Variants in AUTS2 observed in about 807,000 individuals in gnomAD.
The protein encoded by AUTS2 is autism susceptibility gene 2 protein.
Under a neutral mutation model 112.4 loss-of-function variants are expected in AUTS2, and 17 were observed. The ratio of observed to expected loss-of-function variants is 0.15; its 90% CI spans 0.10 to 0.23. The LOEUF is 0.23. Ranked by LOEUF, AUTS2 falls within the 10% of genes least tolerant of loss-of-function variation. The pLI is 1.00. For missense variants in AUTS2, 1,510 were observed against 1,701.6 expected (o/e 0.89, Z 1.98); for synonymous variants, 751 against 702.7 (o/e 1.07, Z -1.09).
At chr7:70,621,838 CTTTTTT>C (rs67123941) in intron 5 of AUTS2, among the ~76,000 whole-genome samples, 9 of 66,816 alleles carry the variant, frequency 1.3e-4, no homozygotes, top group East Asian at 5.0e-4. Context: ...TAGTCATTCT[CTTTTTT>C]TTTTTTTTTT....
chr7:69,706,127 C>T (rs1394376156), intron 1 of AUTS2, among the ~76,000 whole-genome samples: 1 of 152,148 alleles, frequency 6.6e-6, no homozygotes, highest in Admixed American at 6.5e-5. Flanking sequence ...AGTTTTGTTT[C>T]ACTCAAGGGC....
chr7:70,627,562 A>G (rs901940925), intron 5 of AUTS2, among the ~76,000 whole-genome samples: 3 of 152,240 alleles, frequency 2.0e-5, no homozygotes, highest in Non-Finnish European at 4.4e-5. Flanking sequence ...CCAGCTCATT[A>G]TTCCATCTCT....
At chr7:70,301,255 A>G (rs1013000611) in intron 4 of AUTS2, among the ~76,000 whole-genome samples, 1 of 152,234 alleles carries the variant, frequency 6.6e-6, no homozygotes, top group African/African-American at 2.4e-5. Flanking sequence ...TTCCAATGAA[A>G]GTTCACTTAA....
intron 5 of AUTS2, among the ~76,000 whole-genome samples, chr7:70,488,421 G>A (rs1466006147): frequency 2.6e-5 from 4 of 152,118 alleles, no homozygotes; most frequent in African/African-American, 9.7e-5. Context: ...TCGGTCTGAG[G>A]CCAAGTCCTG....
intron 5 of AUTS2, among the ~76,000 whole-genome samples, chr7:70,518,014 TACTC>T (rs951012050): frequency 4.6e-5 from 7 of 152,224 alleles, no homozygotes; most frequent in African/African-American, 1.4e-4. Flanking sequence ...GGCAGATACT[TACTC>T]ATGAAATGCT....
At chr7:69,841,135 A>T (rs1351682889) in intron 1 of AUTS2, among the ~76,000 whole-genome samples, 1 of 152,220 alleles carries the variant, frequency 6.6e-6, no homozygotes, top group Non-Finnish European at 1.5e-5. Context: ...ATTTATGCCA[A>T]AAATGTTTAA....
Position 70,258,996 on chromosome 7 carries a change from C to T in AUTS2, c.660+124425C>T, listed in dbSNP as rs118081447. Among the ~76,000 whole-genome samples the T allele has an allele frequency of 3.0e-3, 462 of 152,176 alleles. 2 individuals carry two copies. Among genetic ancestry groups the T allele is most frequent in the Non-Finnish European group, 5.4e-3 (364 of 67,996 alleles). On this transcript the variant is annotated intron_variant, in intron 4 of 18. Transcript: ENST00000342771. ...GGGCCCTCCAGAGTCTGGGAGGGTT[C>T]GGTTGTCTCATGAATTATGTGGTGC...
At chr7:70,338,866 T>TTATA (rs1311048138) in intron 4 of AUTS2, among the ~76,000 whole-genome samples, 2 of 149,964 alleles carry the variant, frequency 1.3e-5, no homozygotes, top group African/African-American at 4.9e-5. Flanking sequence ...ATTTATTTAT[T>TTATA]TATTTATTTA....
At chr7:69,745,152 GACCAAAAAACCACCTCTCCC>G (rs1404613257) in intron 1 of AUTS2, among the ~76,000 whole-genome samples, 28 of 152,152 alleles carry the variant, frequency 1.8e-4, no homozygotes, top group Non-Finnish European at 3.2e-4. Context: ...TTCTCCGGCT[GACCAAAAAACCACCTCTCCC>G]TACGCCTCGT....
At chr7:69,897,717 G>A (rs1043965740) in intron 1 of AUTS2, among the ~76,000 whole-genome samples, 3 of 152,074 alleles carry the variant, frequency 2.0e-5, no homozygotes, top group South Asian at 2.1e-4. Context: ...AGGTCGTGCT[G>A]TTGCACTCCA....
At position 69,598,841 on chromosome 7, in the gene AUTS2, C is replaced by T. The variant is rs540119013; in HGVS notation, c.-813C>T. ...TTCTTTCATCTCCCTCTCCTCCCCC[C>T]TCGAAGACCGAAAAGCAAACCCCAC... On this transcript the variant is annotated 5_prime_UTR_variant, in exon 1 of 19. Coordinates refer to ENST00000342771, the MANE Select transcript of AUTS2 (RefSeq NM_015570.4). The T allele has an allele frequency of 6.6e-6, 1 of 151,436 alleles. No homozygotes were observed. Among genetic ancestry groups the T allele is most frequent in the Non-Finnish European group, 1.5e-5 (1 of 68,086 alleles). The allele number at this position is 151,436 out of a possible 1,614,324, so 9.4% of individuals were successfully genotyped here.
chr7:70,653,165 G>C (rs1806598379), intron 5 of AUTS2, among the ~76,000 whole-genome samples: 1 of 152,160 alleles, frequency 6.6e-6, no homozygotes, highest in South Asian at 2.1e-4. Context: ...TGAGACAGGA[G>C]GATTGCTTTC....
At chr7:69,684,288 A>T (rs925434437) in intron 1 of AUTS2, among the ~76,000 whole-genome samples, 1 of 152,066 alleles carries the variant, frequency 6.6e-6, no homozygotes, top group Non-Finnish European at 1.5e-5. Context: ...GGGCACTTGC[A>T]CCTTGGGACA....
intron 2 of AUTS2, among the ~76,000 whole-genome samples, chr7:69,925,675 A>G (rs1795979644): frequency 6.6e-6 from 1 of 152,160 alleles, no homozygotes. Context: ...ATCCTCTCAT[A>G]TCAGCCTGGC....
chr7:69,829,759 G>A (rs949911100), intron 1 of AUTS2, among the ~76,000 whole-genome samples: 22 of 152,280 alleles, frequency 1.4e-4, no homozygotes, highest in South Asian at 2.1e-4. Flanking sequence ...AGGCTGTGGC[G>A]AAATAGGAAC....
In AUTS2 at chr7:70,763,083, C is replaced by T; in HGVS notation, c.956C>T (p.Ser319Phe). Residue 319 changes from serine (S) to phenylalanine (F), a missense_variant, in exon 7 of 19, where the codon TCT becomes TTT. Transcript: ENST00000342771. Reference protein sequence around the residue: ...PQTEPQLRAPSPDPDLVQRTE... With the variant: ...PQTEPQLRAPFPDPDLVQRTE... ...ACGGAGCCCCAACTCCGAGCTCCTT[C>T]TCCGGACCCTGACTTGGTGCAGCGC... is the stretch of plus-strand genomic sequence containing the variant. The T allele has an allele frequency of 6.2e-7, 1 of 1,614,164 alleles. No homozygotes were observed. The highest frequency in any genetic ancestry group is 8.5e-7 in the Non-Finnish European group (1 of 1,180,026).
intron 2 of AUTS2, among the ~76,000 whole-genome samples, chr7:69,918,986 T>A (rs749279901): frequency 6.6e-6 from 1 of 152,192 alleles, no homozygotes; most frequent in Non-Finnish European, 1.5e-5. Context: ...GAAAGGCTAC[T>A]CTTGGGGGTA....
chr7:70,369,471 G>A (rs1416416035), intron 4 of AUTS2, among the ~76,000 whole-genome samples: 1 of 152,168 alleles, frequency 6.6e-6, no homozygotes, highest in Non-Finnish European at 1.5e-5. Context: ...AGGCCTTGAA[G>A]AATAGATTAA....
At chr7:69,957,165 C>T (rs1165306422) in intron 2 of AUTS2, among the ~76,000 whole-genome samples, 4 of 151,740 alleles carry the variant, frequency 2.6e-5, no homozygotes, top group African/African-American at 7.3e-5. Context: ...TGGGAGCCAC[C>T]GCAACTGGCA....
Sources: gnomAD v4.1 joint callset for allele counts (sites outside exome capture counted in the v4.1 genomes callset) on GRCh38, gnomAD v4.1.1 for gene constraint, MANE v1.5 for transcripts, NCBI Gene and HGNC (gene_info 2026-07-23, HGNC 2026-07-21) for gene names.